Variants in DDI2 observed in about 807,000 individuals in gnomAD.
DDI2 encodes the protein protein DDI1 homolog 2.
DDI2 carries 5 observed loss-of-function variants against 48.1 expected under a neutral mutation model. The observed-to-expected ratio is 0.10, with a 90% CI of 0.05 to 0.22. The LOEUF (loss-of-function observed/expected upper bound fraction) is 0.22, where lower values mean the gene tolerates loss of function less well. Ranked by LOEUF, DDI2 falls within the 10% of genes least tolerant of loss-of-function variation. The pLI, the probability that DDI2 is intolerant of heterozygous loss-of-function variation, is 1.00. For synonymous variants in DDI2, 205 were observed against 183.6 expected, an observed-to-expected ratio of 1.12 and a Z score of -0.94; for missense variants, 285 against 506.2, an observed-to-expected ratio of 0.56 and a Z score of 4.19.
Position 15,666,108 on chromosome 1 carries a change from T to G in DDI2, c.*6318T>G, listed in dbSNP as rs530442679. 2 of 152,314 alleles carry G rather than the reference T, an allele frequency of 1.3e-5. No homozygotes were observed. Among genetic ancestry groups the G allele is most frequent in the South Asian group, 2.1e-4 (1 of 4,830 alleles). The allele number at this position is 152,314 out of a possible 1,614,324, so 9.4% of individuals were successfully genotyped here. ...TTTTTTCCCTAGAATTGCTAATTAC[T>G]CTTAACAACAAATTAAATTCAAAGC... On this transcript the variant is annotated 3_prime_UTR_variant, in exon 10 of 10. Transcript: ENST00000480945.
intron 8 of DDI2, among the ~76,000 whole-genome samples, chr1:15,655,489 C>T (rs922978665): frequency 1.3e-5 from 2 of 150,782 alleles, no homozygotes; most frequent in East Asian, 1.9e-4. Flanking sequence ...CAGTGACTCA[C>T]GCCTGTAATC....
intron 1 of DDI2, 110 bp downstream of exon 1, chr1:15,617,918 G>A: frequency 7.4e-7 from 1 of 1,359,680 alleles, no homozygotes; most frequent in East Asian, 2.9e-5. Context: ...GGGGAGCAAG[G>A]ATAGCCATTC....
chr1:15,626,138 T>C (rs1324084412), intron 1 of DDI2, among the ~76,000 whole-genome samples: 1 of 152,230 alleles, frequency 6.6e-6, no homozygotes, highest in Non-Finnish European at 1.5e-5. Flanking sequence ...TCATTCATTC[T>C]TTAGTTCAAC....
In DDI2 at chr1:15,649,770, G is replaced by C. The variant is rs777733245; in HGVS notation, c.940G>C (p.Glu314Gln). The change falls in exon 7 of 10, where the codon GAG (glutamate) becomes CAG (glutamine). Residue 314 changes from glutamate to glutamine, a missense_variant. Around this residue, in one of 3 missense-constraint regions of DDI2, gnomAD observed 70 missense variants for 182.3 expected, o/e 0.38. Transcript: ENST00000480945. ...DFLPCSFSIL[E>Q]EQPMDMLLGL... ...TTTGCCATGTTCCTTCTCTATACTTGAGGAACAGCCCATGGACATGCTTCT... is the reference window on the plus strand; with the variant it reads ...TTTGCCATGTTCCTTCTCTATACTTCAGGAACAGCCCATGGACATGCTTCT... The C allele has an allele frequency of 6.2e-7, 1 of 1,613,632 alleles. No individual in the cohort carries two copies. The highest frequency in any genetic ancestry group is 8.5e-7 in the Non-Finnish European group (1 of 1,179,858).
intron 8 of DDI2, among the ~76,000 whole-genome samples, chr1:15,652,606 G>C (rs139519031): frequency 6.7e-6 from 1 of 150,184 alleles, no homozygotes; most frequent in Non-Finnish European, 1.5e-5. Context: ...GGTGGATCAC[G>C]AGGTCAGGAG....
chr1:15,618,760 A>T (rs1639607029), intron 1 of DDI2, among the ~76,000 whole-genome samples: 1 of 152,256 alleles, frequency 6.6e-6, no homozygotes. Context: ...CACTTAGATC[A>T]TGACTTAATA....
At chr1:15,620,457 A>G (rs879828238) in intron 1 of DDI2, among the ~76,000 whole-genome samples, 1 of 151,950 alleles carries the variant, frequency 6.6e-6, no homozygotes, top group African/African-American at 2.4e-5. Flanking sequence ...GGGTTCTCTC[A>G]TATTACTCAT....
chr1:15,643,185 G>T (rs140083794), intron 5 of DDI2, among the ~76,000 whole-genome samples: 130 of 152,368 alleles, frequency 8.5e-4, no homozygotes, highest in African/African-American at 3.0e-3. Flanking sequence ...GAGATACTCG[G>T]TAAGAAGTGC....
At position 15,668,872 on chromosome 1, in the gene DDI2, G is replaced by A. The variant is rs1640489702; in HGVS notation, c.*9082G>A. 6.6e-6 allele frequency: 1 copy of A among 152,222 alleles called. No homozygotes were observed. Among genetic ancestry groups the A allele is most frequent in the South Asian group, 2.1e-4 (1 of 4,828 alleles). The allele number at this position is 152,222 out of a possible 1,614,324, so 9.4% of individuals were successfully genotyped here. A position where few individuals can be genotyped will look rare whatever the true frequency, so the allele number is the denominator to read the frequency against. ...CTGAACATAGGACCTGTCTGAAACT[G>A]AGTGAGCTAGATGCATTTGGGTTTG... On this transcript the variant is annotated 3_prime_UTR_variant, in exon 10 of 10. Transcript: ENST00000480945.
intron 2 of DDI2, chr1:15,627,070 A>T (rs866099702): frequency 3.0e-5 from 12 of 397,324 alleles, no homozygotes; most frequent in Middle Eastern, 6.8e-4. Flanking sequence ...GCCCTCAATA[A>T]ATGTTAGCTT....
At chr1:15,618,214 C>G (rs1180864419) in intron 1 of DDI2, among the ~76,000 whole-genome samples, 1 of 151,578 alleles carries the variant, frequency 6.6e-6, no homozygotes, top group Non-Finnish European at 1.5e-5. Flanking sequence ...ACCAGAAATA[C>G]CAGTTTGGAT....
At chr1:15,653,656 C>G (rs1640228027) in intron 8 of DDI2, among the ~76,000 whole-genome samples, 2 of 152,100 alleles carry the variant, frequency 1.3e-5, no homozygotes, top group Middle Eastern at 3.2e-3. Flanking sequence ...GCTACCATGT[C>G]CAGCTAATTT....
chr1:15,656,335 T>A, intron 8 of DDI2: 1 of 1,158,344 alleles, frequency 8.6e-7, no homozygotes, highest in Non-Finnish European at 1.1e-6. Context: ...TCTTCACCTG[T>A]CTCACATTTG....
At chr1:15,620,411 TTTAC>T (rs1639639285) in intron 1 of DDI2, among the ~76,000 whole-genome samples, 1 of 152,200 alleles carries the variant, frequency 6.6e-6, no homozygotes, top group Non-Finnish European at 1.5e-5. Flanking sequence ...ATATATCATG[TTTAC>T]TTACTTGAGT....
At chr1:15,646,006 G>A (rs756933740) in intron 6 of DDI2, among the ~76,000 whole-genome samples, 1 of 152,198 alleles carries the variant, frequency 6.6e-6, no homozygotes, top group Non-Finnish European at 1.5e-5. Flanking sequence ...ATCTCAGTTG[G>A]ATTTTATTTA....
At chr1:15,638,882 T>C (rs887182828) in intron 5 of DDI2, among the ~76,000 whole-genome samples, 2 of 152,208 alleles carry the variant, frequency 1.3e-5, no homozygotes, top group African/African-American at 4.8e-5. Context: ...GGTTTCTTTC[T>C]TTAATCATTT....
In DDI2 at chr1:15,665,841, A is replaced by G. The variant is rs1049151310; in HGVS notation, c.*6051A>G. ...GTGGTGAGGGTGAGCAGGATGATTG[A>G]ACTGCTGCATATTTCAAACCTGTTA... On this transcript the variant is annotated 3_prime_UTR_variant, in exon 10 of 10. Transcript: ENST00000480945. 6.6e-6 allele frequency: 1 copy of G among 152,126 alleles called. No homozygotes were observed. The highest frequency in any genetic ancestry group is 2.4e-5 in the African/African-American group (1 of 41,422). The allele number at this position is 152,126 out of a possible 1,614,324, so 9.4% of individuals were successfully genotyped here.
At chr1:15,627,373 C>T (rs1275217240) in intron 2 of DDI2, among the ~76,000 whole-genome samples, 1 of 152,210 alleles carries the variant, frequency 6.6e-6, no homozygotes, top group African/African-American at 2.4e-5. Flanking sequence ...AAATTTGATG[C>T]TTTTTCCATT....
At chr1:15,642,497 A>T (rs1037745655) in intron 5 of DDI2, among the ~76,000 whole-genome samples, 7 of 152,222 alleles carry the variant, frequency 4.6e-5, no homozygotes, top group African/African-American at 1.4e-4. Context: ...TTGTTTACAT[A>T]GTGAGACGGG....
Sources: allele counts gnomAD v4.1 joint callset (sites outside exome capture counted in the v4.1 genomes callset), GRCh38; gene constraint gnomAD v4.1.1; regional missense constraint gnomAD v4.1.1; transcripts MANE v1.5; gene names NCBI Gene and HGNC (gene_info 2026-07-23, HGNC 2026-07-21).